The following CSNK2A1 variants were observed in gnomAD, a reference collection of about 807,000 sequenced individuals.
CSNK2A1 encodes casein kinase II subunit alpha.
CSNK2A1 carries 10 observed loss-of-function variants against 62.9 expected under a neutral mutation model. The ratio of observed to expected loss-of-function variants is 0.16; its 90% CI spans 0.10 to 0.27. CSNK2A1 has a LOEUF of 0.27. Among genes scored for constraint, CSNK2A1 ranks in the 10% least tolerant of loss-of-function variants. The pLI, the probability that CSNK2A1 is intolerant of heterozygous loss-of-function variation, is 1.00. For synonymous variants in CSNK2A1, 124 were observed against 167.8 expected (o/e 0.74, Z 2.02); for missense variants, 160 against 492.0 (o/e 0.33, Z 6.38).
At chr20:487,639 C>T in intron 11 of CSNK2A1, 64 bp from the exon 12 acceptor site, 1 of 1,607,528 alleles carries the variant, frequency 6.2e-7, no homozygotes, top group Non-Finnish European at 8.5e-7. Context: ...ACATTTCATT[C>T]CTACATTTTT....
At position 488,715 on chromosome 20, in the gene CSNK2A1, T is replaced by C. The variant is rs2018153265; in HGVS notation, c.787A>G (p.Ile263Val). 1 of 1,613,932 alleles carries C rather than the reference T, an allele frequency of 6.2e-7. No homozygotes were observed. Among genetic ancestry groups the C allele is most frequent in the Non-Finnish European group, 8.5e-7 (1 of 1,179,954 alleles). Residue 263 changes from isoleucine (I) to valine (V), a missense_variant, in exon 11 of 14, where the codon ATT becomes GTT. Transcript: ENST00000217244. ...TCATTGAAACGTGGATCTAATTCAA[T>C]GTTGTATTTGTCAATATAGTCATAT... Reference protein sequence around the residue: ...DLYDYIDKYNIELDPRFNDIL... With the variant: ...DLYDYIDKYNVELDPRFNDIL...
intron 1 of CSNK2A1, among the ~76,000 whole-genome samples, chr20:531,239 T>G (rs1200254772): frequency 6.6e-6 from 1 of 152,160 alleles, no homozygotes; most frequent in Non-Finnish European, 1.5e-5. Flanking sequence ...GGTCTGTCTG[T>G]CTGGTAACAA....
At chr20:488,586 A>G in intron 11 of CSNK2A1, 92 bp downstream of exon 11, 1 of 1,312,300 alleles carries the variant, frequency 7.6e-7, no homozygotes, top group South Asian at 1.2e-5. Flanking sequence ...CAGTGCTGGC[A>G]AAGAAAACAT....
rs1393058712 is a variant in CSNK2A1, at chr20:480,838, T to A, written c.*3123A>T. Reference sequence around the variant, plus strand: ...CAAAAGGTGAAGCAAAGATGAAAGTTAAAAACTAAGAAGAAATTAAAATTC... The same window carrying A: ...CAAAAGGTGAAGCAAAGATGAAAGTAAAAAACTAAGAAGAAATTAAAATTC... On this transcript the variant is annotated 3_prime_UTR_variant, in exon 14 of 14. Coordinates refer to ENST00000217244, the MANE Select transcript of CSNK2A1 (RefSeq NM_177559.3). 1 of 152,218 alleles carries A rather than the reference T, an allele frequency of 6.6e-6. No homozygotes were observed. Among genetic ancestry groups the A allele is most frequent in the African/African-American group, 2.4e-5 (1 of 41,446 alleles). The allele number at this position is 152,218 out of a possible 1,614,324, so 9.4% of individuals were successfully genotyped here.
chr20:487,614 G>T (rs1460149268), intron 11 of CSNK2A1, 39 bp from the exon 12 acceptor site: 1 of 1,613,078 alleles, frequency 6.2e-7, no homozygotes, highest in Non-Finnish European at 8.5e-7. Flanking sequence ...TGGGCCACGT[G>T]GGCACAGAAG....
At chr20:515,384 G>A (rs1373956542) in intron 2 of CSNK2A1, among the ~76,000 whole-genome samples, 1 of 152,196 alleles carries the variant, frequency 6.6e-6, no homozygotes, top group Non-Finnish European at 1.5e-5. Context: ...ATTCTGAATA[G>A]GCAGTTAGAT....
At chr20:502,587 T>C (rs1218568528) in intron 4 of CSNK2A1, 1 of 152,222 alleles carries the variant, frequency 6.6e-6, no homozygotes, top group Non-Finnish European at 1.5e-5. Context: ...AATTCATCTA[T>C]ACTTACACCA....
At chr20:534,152 G>T (rs1366380105) in intron 1 of CSNK2A1, among the ~76,000 whole-genome samples, 2 of 152,170 alleles carry the variant, frequency 1.3e-5, no homozygotes, top group Non-Finnish European at 2.9e-5. Context: ...GAAATAAACA[G>T]ATTCAGAGGT....
chr20:523,557 A>G (rs897127934), intron 2 of CSNK2A1, among the ~76,000 whole-genome samples: 3 of 152,220 alleles, frequency 2.0e-5, no homozygotes, highest in Non-Finnish European at 4.4e-5. Flanking sequence ...AAAATATTAC[A>G]TAATGTTTGA....
intron 1 of CSNK2A1, among the ~76,000 whole-genome samples, chr20:542,654 A>G (rs2019477236): frequency 6.6e-6 from 1 of 151,844 alleles, no homozygotes; most frequent in South Asian, 2.1e-4. Context: ...GCTGGTCTCG[A>G]ACTCCTGACC....
At chr20:532,444 T>A (rs2019233821) in intron 1 of CSNK2A1, among the ~76,000 whole-genome samples, 1 of 151,804 alleles carries the variant, frequency 6.6e-6, no homozygotes, top group Non-Finnish European at 1.5e-5. Flanking sequence ...CCCAAAGTGC[T>A]GGGATTACAG....
chr20:515,843 GT>G (rs1437242062), intron 2 of CSNK2A1, among the ~76,000 whole-genome samples: 3 of 152,184 alleles, frequency 2.0e-5, no homozygotes, highest in Non-Finnish European at 4.4e-5. Flanking sequence ...AGTATAGGGT[GT>G]TCCTAAATAC....
intron 2 of CSNK2A1, among the ~76,000 whole-genome samples, chr20:525,423 C>T (rs529327371): frequency 6.6e-5 from 10 of 151,902 alleles, no homozygotes; most frequent in Non-Finnish European, 1.2e-4. Flanking sequence ...GAGGCTGAGG[C>T]GGGCGGATCA....
intron 1 of CSNK2A1, among the ~76,000 whole-genome samples, chr20:536,427 T>C (rs189507994): frequency 6.5e-4 from 99 of 152,324 alleles, no homozygotes. Flanking sequence ...GTACTCTAGT[T>C]ATTAATCCTC....
At chr20:485,885 T>C (rs1193265884) in intron 13 of CSNK2A1, among the ~76,000 whole-genome samples, 2 of 152,226 alleles carry the variant, frequency 1.3e-5, no homozygotes, top group African/African-American at 4.8e-5. Flanking sequence ...GGGTACTCTA[T>C]AAAAATTCAC....
At chr20:530,185 C>A (rs2019184783) in intron 1 of CSNK2A1, among the ~76,000 whole-genome samples, 1 of 152,156 alleles carries the variant, frequency 6.6e-6, no homozygotes, top group Admixed American at 6.5e-5. Flanking sequence ...CTCTGGCAAC[C>A]AATAATCTGC....
intron 2 of CSNK2A1, among the ~76,000 whole-genome samples, chr20:525,361 T>G (rs1762369003): frequency 6.6e-6 from 1 of 151,526 alleles, no homozygotes; most frequent in Non-Finnish European, 1.5e-5. Context: ...AAATAAAAAT[T>G]TTAAAAATCG....
chr20:498,031 C>G, intron 6 of CSNK2A1: 1 of 395,346 alleles, frequency 2.5e-6, no homozygotes, highest in Non-Finnish European at 4.6e-6. Flanking sequence ...ACATACTGAT[C>G]TAGATACGTT....
chr20:531,771 T>A (rs1218896319), intron 1 of CSNK2A1, among the ~76,000 whole-genome samples: 4 of 152,330 alleles, frequency 2.6e-5, no homozygotes, highest in African/African-American at 9.6e-5. Flanking sequence ...CAATGTATCC[T>A]AGGCTTCAGA....
Sources: gnomAD v4.1 joint callset for allele counts (sites outside exome capture counted in the v4.1 genomes callset) on GRCh38, gnomAD v4.1.1 for gene constraint, MANE v1.5 for transcripts, NCBI Gene and HGNC (gene_info 2026-07-23, HGNC 2026-07-21) for gene names.